Variants in ENAH observed in about 807,000 individuals in gnomAD.
The protein encoded by ENAH is ENAH actin regulator.
In ENAH, 23 loss-of-function variants were observed where a neutral mutation model predicts 78.7. The ratio of observed to expected loss-of-function variants is 0.29; its 90% CI spans 0.21 to 0.41. The LOEUF is 0.41. ENAH is among the 10% of genes least tolerant of loss of function. The probability of loss-of-function intolerance (pLI) is 1.00; values close to 1 mark genes in which losing one functional copy is unlikely to be tolerated. For synonymous variants in ENAH, 226 were observed against 241.0 expected (o/e 0.94, Z 0.58); for missense variants, 544 against 691.0 (o/e 0.79, Z 2.39).
chr1:225,502,830 A>G (rs2096291352), intron 11 of ENAH, among the ~76,000 whole-genome samples: 1 of 152,220 alleles, frequency 6.6e-6, no homozygotes, highest in South Asian at 2.1e-4. Flanking sequence ...GTTATTTCAT[A>G]TATTCACTCA....
chr1:225,549,077 T>C (rs1400648575), intron 3 of ENAH, among the ~76,000 whole-genome samples: 2 of 152,188 alleles, frequency 1.3e-5, no homozygotes, highest in East Asian at 3.9e-4. Context: ...CTCGAACTCC[T>C]GGTCTCAAGT....
chr1:225,569,405 C>T (rs2096749737), intron 1 of ENAH, among the ~76,000 whole-genome samples: 1 of 152,168 alleles, frequency 6.6e-6, no homozygotes, highest in South Asian at 2.1e-4. Context: ...AGCAAACCAA[C>T]ATGGCACACG....
At chr1:225,508,884 G>C (rs936088904) in intron 10 of ENAH, among the ~76,000 whole-genome samples, 3 of 152,172 alleles carry the variant, frequency 2.0e-5, no homozygotes, top group Non-Finnish European at 4.4e-5. Context: ...CAGCTCCTCA[G>C]CTGGCTTTTG....
At chr1:225,498,198 C>T (rs2096260184) in intron 13 of ENAH, 149 bp downstream of exon 13, 3 of 632,494 alleles carry the variant, frequency 4.7e-6, no homozygotes, top group Non-Finnish European at 8.3e-6. Context: ...GAGAAACCTC[C>T]TCCCCAAAAC....
At chr1:225,593,565 A>G (rs925667925) in intron 1 of ENAH, among the ~76,000 whole-genome samples, 1 of 152,192 alleles carries the variant, frequency 6.6e-6, no homozygotes, top group African/African-American at 2.4e-5. Context: ...AGTTGACACT[A>G]CCAACAGAAC....
At chr1:225,532,364 T>C (rs2096542124) in intron 3 of ENAH, among the ~76,000 whole-genome samples, 1 of 152,136 alleles carries the variant, frequency 6.6e-6, no homozygotes, top group South Asian at 2.1e-4. Flanking sequence ...TTAACTATTT[T>C]TTAAAATAAT....
chr1:225,652,736 A>G lies in ENAH; in HGVS notation c.-46T>C. On this transcript the variant is annotated 5_prime_UTR_variant, in exon 1 of 14. Coordinates refer to ENST00000366843, the MANE Select transcript of ENAH (RefSeq NM_018212.6). ...TTCCCCACCAGCCGGGAGACGCAGAAGGCGCCGAGCCGAGGGGGGGGTCTC... is the reference window on the plus strand; with the variant it reads ...TTCCCCACCAGCCGGGAGACGCAGAGGGCGCCGAGCCGAGGGGGGGGTCTC... 1 of 1,314,628 alleles carries G rather than the reference A, an allele frequency of 7.6e-7. No homozygotes were observed. The highest frequency in any genetic ancestry group is 9.7e-7 in the Non-Finnish European group (1 of 1,033,464). 81.4% of individuals were successfully genotyped at this position (1,314,628 alleles called of 1,614,324 possible).
intron 1 of ENAH, among the ~76,000 whole-genome samples, chr1:225,597,936 CT>C (rs77379508): frequency 0.046 from 6,641 of 144,856 alleles, 207 homozygotes; most frequent in South Asian, 0.11. Flanking sequence ...CTCCACTTAA[CT>C]TTTTTTTTTT....
chr1:225,579,383 G>A (rs2096803391), intron 1 of ENAH, among the ~76,000 whole-genome samples: 1 of 152,048 alleles, frequency 6.6e-6, no homozygotes, highest in South Asian at 2.1e-4. Context: ...TATTTTAAAG[G>A]TTTCATTACT....
At chr1:225,553,639 C>T (rs1193184404) in intron 3 of ENAH, among the ~76,000 whole-genome samples, 1 of 150,826 alleles carries the variant, frequency 6.6e-6, no homozygotes, top group Non-Finnish European at 1.5e-5. Flanking sequence ...AAATGAAAAG[C>T]AATTCTATAC....
chr1:225,578,216 G>A (rs777561661), intron 1 of ENAH, among the ~76,000 whole-genome samples: 1 of 152,192 alleles, frequency 6.6e-6, no homozygotes, highest in Non-Finnish European at 1.5e-5. Flanking sequence ...TGCAATCCCA[G>A]CACTCTGAGA....
chr1:225,591,163 A>G (rs1376285831), intron 1 of ENAH, among the ~76,000 whole-genome samples: 1 of 152,120 alleles, frequency 6.6e-6, no homozygotes, highest in East Asian at 1.9e-4. Flanking sequence ...TTTCTCACAC[A>G]TTCTATACCT....
intron 3 of ENAH, among the ~76,000 whole-genome samples, chr1:225,541,077 G>A (rs932055958): frequency 5.9e-5 from 9 of 152,192 alleles, no homozygotes; most frequent in Non-Finnish European, 1.0e-4. Flanking sequence ...GGGAGGTATG[G>A]AGGAATTGGG....
intron 1 of ENAH, among the ~76,000 whole-genome samples, chr1:225,629,013 C>T (rs1344004658): frequency 6.6e-6 from 1 of 151,964 alleles, no homozygotes; most frequent in African/African-American, 2.4e-5. Context: ...AGCGCAGTGG[C>T]TTACAACTGT....
At chr1:225,597,328 A>C (rs1488477797) in intron 1 of ENAH, among the ~76,000 whole-genome samples, 1 of 152,192 alleles carries the variant, frequency 6.6e-6, no homozygotes, top group Non-Finnish European at 1.5e-5. Flanking sequence ...TTCATCAAAA[A>C]TGTCTATGTT....
At chr1:225,512,227 A>C (rs144029138) in intron 9 of ENAH, among the ~76,000 whole-genome samples, 4 of 152,368 alleles carry the variant, frequency 2.6e-5, no homozygotes, top group African/African-American at 9.6e-5. Flanking sequence ...TGCCCAGCTG[A>C]ATCAGGGAGG....
chr1:225,521,737 G>A (rs10915845), intron 4 of ENAH, among the ~76,000 whole-genome samples: 1 of 151,550 alleles, frequency 6.6e-6, no homozygotes, highest in South Asian at 2.1e-4. Flanking sequence ...AGCTCTTTAA[G>A]AAGTACTTGA....
chr1:225,559,367 G>A (rs2096687360), intron 2 of ENAH, among the ~76,000 whole-genome samples: 1 of 152,116 alleles, frequency 6.6e-6, no homozygotes, highest in Admixed American at 6.5e-5. Flanking sequence ...AAATTGTGAC[G>A]TACATTTCAA....
chr1:225,505,296 G>T (rs1470740536), intron 11 of ENAH, among the ~76,000 whole-genome samples: 4 of 152,042 alleles, frequency 2.6e-5, no homozygotes, highest in Non-Finnish European at 5.9e-5. Context: ...TAGGTTGTAG[G>T]CACAGTAAGT....
Sources: gnomAD v4.1 joint callset for allele counts (sites outside exome capture counted in the v4.1 genomes callset) on GRCh38, gnomAD v4.1.1 for gene constraint, MANE v1.5 for transcripts, NCBI Gene and HGNC (gene_info 2026-07-23, HGNC 2026-07-21) for gene names.